CEP128: variants seen among roughly 807,000 people sequenced by gnomAD.
CEP128 encodes the protein centrosomal protein 128.
A neutral mutation model predicts 156.7 loss-of-function variants in CEP128; 132 were observed. The observed-to-expected ratio is 0.84, with a 90% CI of 0.73 to 0.97. The LOEUF (loss-of-function observed/expected upper bound fraction) is 0.97. Ranked by LOEUF, CEP128 falls within the 50% of genes least tolerant of loss-of-function variation. CEP128 has a pLI of 0.00. For synonymous variants in CEP128, 469 were observed against 448.9 expected, an observed-to-expected ratio of 1.04 and a Z score of -0.57; for missense variants, 1,252 against 1,281.9, an observed-to-expected ratio of 0.98 and a Z score of 0.36.
chr14:80,877,996 A>AC, intron 8 of CEP128, among the ~76,000 whole-genome samples: 1 of 151,998 alleles, frequency 6.6e-6, no homozygotes, highest in South Asian at 2.1e-4. Context: ...GAGAAGTGGC[A>AC]CCCCGCATGG....
At chr14:80,862,503 C>G (rs1479595787) in intron 9 of CEP128, among the ~76,000 whole-genome samples, 1 of 152,154 alleles carries the variant, frequency 6.6e-6, no homozygotes, top group Non-Finnish European at 1.5e-5. Context: ...TAGGTCAATA[C>G]TATTATTATT....
chr14:80,857,648 G>A (rs1336960629), intron 9 of CEP128, among the ~76,000 whole-genome samples: 38 of 151,504 alleles, frequency 2.5e-4, no homozygotes, highest in Admixed American at 2.5e-3. Context: ...GGCTGAGGTG[G>A]CAGAATCTCT....
chr14:80,483,054 T>C (rs941119724), intron 14 of CEP128, among the ~76,000 whole-genome samples: 2 of 151,994 alleles, frequency 1.3e-5, no homozygotes, highest in Non-Finnish European at 2.9e-5. Context: ...CTATAGGGGG[T>C]GAAGCACAAC....
intron 20 of CEP128, among the ~76,000 whole-genome samples, chr14:80,570,569 T>C (rs960837592): frequency 6.6e-6 from 1 of 152,168 alleles, no homozygotes; most frequent in Non-Finnish European, 1.5e-5. Context: ...GGCTGGTCTG[T>C]AATCCAGCTC....
chr14:80,596,537 A>G (rs1892327221), intron 19 of CEP128, among the ~76,000 whole-genome samples: 1 of 152,172 alleles, frequency 6.6e-6, no homozygotes, highest in African/African-American at 2.4e-5. Flanking sequence ...AGCTAGGCAC[A>G]GTGGCTCATG....
At chr14:80,654,750 C>T (rs1895057171) in intron 19 of CEP128, among the ~76,000 whole-genome samples, 1 of 152,080 alleles carries the variant, frequency 6.6e-6, no homozygotes, top group Admixed American at 6.6e-5. Context: ...TTCTACTCCC[C>T]TCCTCCACTT....
intron 19 of CEP128, among the ~76,000 whole-genome samples, chr14:80,735,398 C>G (rs944837665): frequency 3.3e-5 from 5 of 152,070 alleles, no homozygotes; most frequent in African/African-American, 1.2e-4. Context: ...TACCACGTTT[C>G]GCACATTTCC....
chr14:80,489,686 A>C (rs1298018833), downstream of CEP128, among the ~76,000 whole-genome samples: 1 of 150,234 alleles, frequency 6.7e-6, no homozygotes, highest in South Asian at 2.1e-4. Context: ...ACTGAGGAGA[A>C]AGTGAATCAG....
intron 9 of CEP128, among the ~76,000 whole-genome samples, chr14:80,847,750 G>T (rs1886681686): frequency 6.6e-6 from 1 of 152,128 alleles, no homozygotes; most frequent in Non-Finnish European, 1.5e-5. Flanking sequence ...CACAAATGTG[G>T]AATAATGCCC....
intron 18 of CEP128, among the ~76,000 whole-genome samples, chr14:80,747,195 T>C (rs372213853): frequency 1.6e-4 from 24 of 152,158 alleles, no homozygotes; most frequent in African/African-American, 4.8e-4. Context: ...GGGTTAAACA[T>C]AGAGGTACCA....
intron 19 of CEP128, among the ~76,000 whole-genome samples, chr14:80,628,367 G>A (rs1893819850): frequency 6.6e-6 from 1 of 152,144 alleles, no homozygotes; most frequent in East Asian, 1.9e-4. Context: ...TCTTTAGATA[G>A]AGTGTCAAGT....
intron 23 of CEP128, among the ~76,000 whole-genome samples, chr14:80,516,050 T>G (rs547745249): frequency 2.0e-5 from 3 of 152,260 alleles, no homozygotes; most frequent in Admixed American, 6.5e-5. Flanking sequence ...GTATTTTTAG[T>G]AGAAACAGGG....
intron 18 of CEP128, among the ~76,000 whole-genome samples, chr14:80,747,894 C>G (rs967989429): frequency 6.6e-6 from 1 of 152,128 alleles, no homozygotes; most frequent in African/African-American, 2.4e-5. Flanking sequence ...ATGGCTAAGG[C>G]GTCCTGATTT....
chr14:80,553,018 A>T (rs1254205299), intron 21 of CEP128, among the ~76,000 whole-genome samples: 1 of 151,454 alleles, frequency 6.6e-6, no homozygotes, highest in South Asian at 2.1e-4. Flanking sequence ...ATACTCAACA[A>T]TTTTTTTGTT....
At chr14:80,753,928 G>A (rs1211789903) in intron 18 of CEP128, among the ~76,000 whole-genome samples, 3 of 152,160 alleles carry the variant, frequency 2.0e-5, no homozygotes. Flanking sequence ...TCCTCTGAAT[G>A]TTTGAACAAT....
At chr14:80,564,406 A>G (rs1890824285) in intron 20 of CEP128, among the ~76,000 whole-genome samples, 1 of 152,240 alleles carries the variant, frequency 6.6e-6, no homozygotes, top group Non-Finnish European at 1.5e-5. Context: ...AGGAGAAGCC[A>G]TATGATATAG....
intron 19 of CEP128, among the ~76,000 whole-genome samples, chr14:80,629,838 C>T (rs1893890456): frequency 6.6e-6 from 1 of 151,840 alleles, no homozygotes; most frequent in Non-Finnish European, 1.5e-5. Context: ...CTAGGAATAA[C>T]ATGAGAACTA....
intron 19 of CEP128, among the ~76,000 whole-genome samples, chr14:80,640,165 T>C (rs1595134265): frequency 6.6e-6 from 1 of 152,286 alleles, no homozygotes; most frequent in East Asian, 1.9e-4. Flanking sequence ...CACAAATAAG[T>C]CTGAATCAGG....
chr14:80,850,864 C>G (rs1258143195), intron 9 of CEP128, among the ~76,000 whole-genome samples: 2 of 152,070 alleles, frequency 1.3e-5, no homozygotes, highest in Non-Finnish European at 2.9e-5. Context: ...AGTTTGAAAA[C>G]CAGCAACCCA....
Sources: gnomAD v4.1 joint callset for allele counts (sites outside exome capture counted in the v4.1 genomes callset) on GRCh38, gnomAD v4.1.1 for gene constraint, MANE v1.5 for transcripts, NCBI Gene and HGNC (gene_info 2026-07-23, HGNC 2026-07-21) for gene names.